COL5A1: variants seen among roughly 807,000 people sequenced by gnomAD.
The protein encoded by COL5A1 is collagen type V alpha 1 chain.
COL5A1 carries 16 observed loss-of-function variants against 263.7 expected under a neutral mutation model. The ratio of observed to expected loss-of-function variants is 0.06; its 90% CI spans 0.04 to 0.09. The LOEUF (loss-of-function observed/expected upper bound fraction) is 0.09, where lower values mean the gene tolerates loss of function less well. Ranked by LOEUF, COL5A1 falls within the 10% of genes least tolerant of loss-of-function variation. COL5A1 has a pLI of 1.00. For synonymous variants in COL5A1, 1,012 were observed against 1,004.5 expected, an observed-to-expected ratio of 1.01 and a Z score of -0.14; for missense variants, 2,036 against 2,540.5, an observed-to-expected ratio of 0.80 and a Z score of 4.27.
intron 33 of COL5A1, 46 bp from the exon 34 acceptor site, chr9:134,795,216 G>A: frequency 6.2e-7 from 1 of 1,613,248 alleles, no homozygotes; most frequent in Non-Finnish European, 8.5e-7. Flanking sequence ...GGCAGTGTCT[G>A]TGTGTCGGGA....
chr9:134,800,806 G>A (rs368995338), intron 37 of COL5A1, among the ~76,000 whole-genome samples: 2 of 149,190 alleles, frequency 1.3e-5, no homozygotes, highest in Non-Finnish European at 3.0e-5. Context: ...ATGTGGCCCC[G>A]TGGCTTGGTG....
At chr9:134,747,773 A>T (rs560138309) in intron 11 of COL5A1, among the ~76,000 whole-genome samples, 1 of 151,784 alleles carries the variant, frequency 6.6e-6, no homozygotes, top group African/African-American at 2.4e-5. Context: ...ATACATGCAG[A>T]CACATGCACA....
intron 4 of COL5A1, among the ~76,000 whole-genome samples, chr9:134,720,487 G>A (rs1038291641): frequency 1.3e-5 from 2 of 152,364 alleles, no homozygotes; most frequent in East Asian, 1.9e-4. Context: ...ACATGAAGTC[G>A]TGATCCTAGC....
intron 57 of COL5A1, 42 bp downstream of exon 57, chr9:134,819,095 C>T (rs751059826): frequency 6.2e-7 from 1 of 1,601,086 alleles, no homozygotes. Flanking sequence ...GACTCGGGGC[C>T]TTCAAATTTG....
intron 1 of COL5A1, chr9:134,649,489 T>G (rs1356026431): frequency 2.1e-6 from 1 of 471,332 alleles, no homozygotes; most frequent in Admixed American, 2.4e-5. Context: ...ATTTTCTGTT[T>G]CCTAGACCCG....
intron 53 of COL5A1, 40 bp from the exon 54 acceptor site, chr9:134,817,738 A>G: frequency 1.2e-6 from 2 of 1,600,530 alleles, no homozygotes; most frequent in Non-Finnish European, 8.5e-7. Flanking sequence ...CCACCCCTGC[A>G]GGCCACACTC....
rs141467023 is a variant in COL5A1, at chr9:134,760,651, GCACA to G, written c.1936-1264_1936-1261del. ...CACACCCCCACACTCATACACTCAT[GCACA>G]CACACACACCACACATGCACACCCC... is the stretch of plus-strand genomic sequence containing the variant. On this transcript the variant is annotated intron_variant, in intron 18 of 65. Transcript: ENST00000371817. Among the ~76,000 whole-genome samples, 12 of 57,402 alleles carry G rather than the reference GCACA, an allele frequency of 2.1e-4. 1 individual carries two copies. The highest frequency in any genetic ancestry group is 6.8e-4 in the African/African-American group (7 of 10,308). The allele number at this position is 57,402 out of a possible 152,430, so 37.7% of individuals were successfully genotyped here.
chr9:134,763,074 T>C (rs1256729956), intron 19 of COL5A1, among the ~76,000 whole-genome samples: 1 of 151,984 alleles, frequency 6.6e-6, no homozygotes, highest in Non-Finnish European at 1.5e-5. Context: ...TGTATGCATG[T>C]GCATGCACAG....
chr9:134,715,260 G>GT (rs1834221084), intron 4 of COL5A1, among the ~76,000 whole-genome samples: 1 of 152,140 alleles, frequency 6.6e-6, no homozygotes, highest in Non-Finnish European at 1.5e-5. Flanking sequence ...ATACATAAAC[G>GT]TATCTGGTGC....
chr9:134,839,966 C>T (rs1318427065), intron 65 of COL5A1, among the ~76,000 whole-genome samples: 5 of 152,246 alleles, frequency 3.3e-5, no homozygotes, highest in African/African-American at 4.8e-5. Context: ...CACAGGGTGC[C>T]GTCTGCCCCA....
chr9:134,694,253 T>C (rs932157316), intron 2 of COL5A1, among the ~76,000 whole-genome samples: 8 of 152,316 alleles, frequency 5.3e-5, no homozygotes, highest in African/African-American at 1.9e-4. Flanking sequence ...GTTTGGAGAC[T>C]GAGCTGAGCA....
In COL5A1 at chr9:134,842,722, C is replaced by A. The variant is rs1830142850; in HGVS notation, c.*419C>A. ...CTTGAAGATGTGTATTTCCCCTGACCTTCAAAAAATGTTCCAAGGTAAGCC... is the reference window on the plus strand; with the variant it reads ...CTTGAAGATGTGTATTTCCCCTGACATTCAAAAAATGTTCCAAGGTAAGCC... On this transcript the variant is annotated 3_prime_UTR_variant, in exon 66 of 66. Coordinates refer to ENST00000371817, the MANE Select transcript of COL5A1 (RefSeq NM_000093.5). This position sits in a 1 kb window ranked among gnomAD's most constrained non-coding sequence, Gnocchi z 5.8. 1.2e-5 allele frequency: 3 copies of A among 244,066 alleles called. No homozygotes were observed. In the South Asian group the frequency reaches 1.9e-4, roughly 15 times the overall value. 15.1% of individuals were successfully genotyped at this position (244,066 alleles called of 1,614,324 possible).
chr9:134,702,598 G>C (rs1024587689), intron 4 of COL5A1, among the ~76,000 whole-genome samples: 1 of 152,238 alleles, frequency 6.6e-6, no homozygotes, highest in Non-Finnish European at 1.5e-5. Context: ...TAAAGATATC[G>C]ATGTCTGCTC....
rs1042199935 is a variant in COL5A1 at position 134,680,450 on chromosome 9, G to C, written c.110-10462G>C. On this transcript the variant is annotated intron_variant, in intron 1 of 65. Coordinates refer to ENST00000371817, the MANE Select transcript of COL5A1 (RefSeq NM_000093.5). The surrounding 1 kb of genome is among the most constrained non-coding windows in gnomAD (Gnocchi z 5.9). The stretch of plus-strand genomic sequence containing the variant: ...CCTTCCAGGTGCGAGCTCCCTGCCC[G>C]GCACACCTGTACCTGTTCCTCCATG... Among the ~76,000 whole-genome samples, 1 of 152,168 alleles carries C rather than the reference G, an allele frequency of 6.6e-6. No individual in the cohort carries two copies. Among genetic ancestry groups the C allele is most frequent in the Non-Finnish European group, 1.5e-5 (1 of 68,022 alleles).
chr9:134,833,543 C>T lies in COL5A1; in HGVS notation c.5137-1428C>T, dbSNP rs145618745. Among the ~76,000 whole-genome samples, 633 of 152,316 alleles carry T rather than the reference C, an allele frequency of 4.2e-3. 3 individuals carry two copies. Among genetic ancestry groups the T allele is most frequent in the Non-Finnish European group, 7.5e-3 (512 of 68,022 alleles). On this transcript the variant is annotated intron_variant, in intron 64 of 65. Transcript: ENST00000371817. Reference sequence around the variant, plus strand: ...TGTCTCAGGAAGCCTGCTCACTGCCCTGAGGAGACGCTTCTGGGAAGGGGA... The same window carrying T: ...TGTCTCAGGAAGCCTGCTCACTGCCTTGAGGAGACGCTTCTGGGAAGGGGA...
chr9:134,815,679 G>A (rs1404731623), intron 51 of COL5A1, 50 bp downstream of exon 51: 10 of 1,571,924 alleles, frequency 6.4e-6, no homozygotes, highest in Non-Finnish European at 8.7e-6. Context: ...GTGCTGGCCT[G>A]CCTCTGCCAG....
At chr9:134,738,333 C>G (rs922026311) in intron 9 of COL5A1, 141 bp from the exon 10 acceptor site, 6 of 873,770 alleles carry the variant, frequency 6.9e-6, no homozygotes, top group Non-Finnish European at 1.8e-6. Flanking sequence ...CCTTTGCAGT[C>G]TGTGCTCGTG....
intron 11 of COL5A1, among the ~76,000 whole-genome samples, chr9:134,748,578 G>A (rs560231240): frequency 3.3e-5 from 5 of 152,338 alleles, no homozygotes; most frequent in South Asian, 2.1e-4. Context: ...AAACCTGGGC[G>A]GCAAACATGT....
intron 1 of COL5A1, among the ~76,000 whole-genome samples, chr9:134,660,724 C>T (rs1832176988): frequency 6.6e-6 from 1 of 152,164 alleles, no homozygotes; most frequent in Admixed American, 6.5e-5. Context: ...GCCTCAGTTT[C>T]TTCATGTGTA....
Sources: gnomAD v4.1 joint callset for allele counts (sites outside exome capture counted in the v4.1 genomes callset) on GRCh38, gnomAD v4.1.1 for gene constraint, Gnocchi (gnomAD v3.1) non-coding constraint, MANE v1.5 for transcripts, NCBI Gene and HGNC (gene_info 2026-07-23, HGNC 2026-07-21) for gene names.